Variants in CDKL3 observed in about 807,000 individuals in gnomAD.
CDKL3 encodes cyclin-dependent kinase-like 3.
CDKL3 carries 65 observed loss-of-function variants against 69.3 expected under a neutral mutation model. The ratio of observed to expected loss-of-function variants is 0.94; its 90% CI spans 0.77 to 1.15. CDKL3 has a LOEUF of 1.15. CDKL3 is among the 50% of genes most tolerant of loss of function. The pLI is 0.00. For missense variants in CDKL3, 652 were observed against 689.2 expected, an observed-to-expected ratio of 0.95 and a Z score of 0.61; for synonymous variants, 202 against 221.6, an observed-to-expected ratio of 0.91 and a Z score of 0.79.
In CDKL3 at chr5:134,350,429, T is replaced by TA. The variant is rs1752971617; in HGVS notation, c.361-3dup. On this transcript the variant is annotated splice_polypyrimidine_tract_variant and splice_region_variant and intron_variant, in intron 3 of 12. Coordinates refer to ENST00000265334, the MANE Select transcript of CDKL3 (RefSeq NM_001113575.2). Reference sequence around the variant, plus strand: ...AGGTTTTATATCTCGATGAATGATCTAAAAAACAAACAGAATACAAAATAC... The same window carrying TA: ...AGGTTTTATATCTCGATGAATGATCTAAAAAAACAAACAGAATACAAAATAC... 6.6e-7 allele frequency: 1 copy of TA among 1,520,960 alleles called. No homozygotes were observed. Among genetic ancestry groups the TA allele is most frequent in the Non-Finnish European group, 8.9e-7 (1 of 1,121,476 alleles). 94.2% of individuals were successfully genotyped at this position (1,520,960 alleles called of 1,614,324 possible). A position where few individuals can be genotyped will look rare whatever the true frequency, so the allele number is the denominator to read the frequency against.
Position 134,367,159 on chromosome 5 carries a change from G to A in CDKL3, c.-204C>T, listed in dbSNP as rs1246596236. 1 of 985,804 alleles carries A rather than the reference G, an allele frequency of 1.0e-6. No homozygotes were observed. The highest frequency in any genetic ancestry group is 1.2e-6 in the Non-Finnish European group (1 of 830,242). 61.1% of individuals were successfully genotyped at this position (985,804 alleles called of 1,614,324 possible). Reference sequence around the variant, plus strand: ...TTGCCACCATGGAAACGCCGGCGGAGTTGCTGCGTTCTAGACTCGTGCGCA... The same window carrying A: ...TTGCCACCATGGAAACGCCGGCGGAATTGCTGCGTTCTAGACTCGTGCGCA... On this transcript the variant is annotated 5_prime_UTR_variant, in exon 1 of 13. Transcript: ENST00000265334.
intron 7 of CDKL3, 74 bp from the exon 8 acceptor site, chr5:134,308,801 T>A (rs954772192): frequency 2.4e-5 from 29 of 1,232,838 alleles, no homozygotes; most frequent in Non-Finnish European, 3.0e-5. Flanking sequence ...GAATAAACCA[T>A]TTCATCAATT....
chr5:134,332,273 G>T (rs1775989580), intron 4 of CDKL3, among the ~76,000 whole-genome samples: 1 of 152,042 alleles, frequency 6.6e-6, no homozygotes, highest in African/African-American at 2.4e-5. Flanking sequence ...AGTTTCTTTT[G>T]CTGTGCAGAA....
intron 8 of CDKL3, among the ~76,000 whole-genome samples, chr5:134,287,034 G>A (rs1033759685): frequency 5.3e-5 from 8 of 152,168 alleles, no homozygotes; most frequent in Admixed American, 4.6e-4. Flanking sequence ...TTCTCTCAAG[G>A]AACAGGGAAG....
chr5:134,348,897 A>G (rs377463280), intron 4 of CDKL3, among the ~76,000 whole-genome samples: 33 of 152,286 alleles, frequency 2.2e-4, no homozygotes, highest in East Asian at 1.5e-3. Context: ...TATTATTTCC[A>G]TTTTATAGAT....
At chr5:134,315,275 T>C (rs1457336994) in intron 6 of CDKL3, among the ~76,000 whole-genome samples, 3 of 151,554 alleles carry the variant, frequency 2.0e-5, no homozygotes, top group African/African-American at 7.2e-5. Flanking sequence ...AAAAGATTAA[T>C]GTGTTTTTTT....
intron 6 of CDKL3, among the ~76,000 whole-genome samples, chr5:134,317,208 T>C (rs1215289645): frequency 6.6e-6 from 1 of 152,176 alleles, no homozygotes; most frequent in Non-Finnish European, 1.5e-5. Flanking sequence ...CGATCTCAGC[T>C]CACTGCAACC....
At chr5:134,337,852 T>C (rs1445144329) in intron 4 of CDKL3, among the ~76,000 whole-genome samples, 1 of 152,218 alleles carries the variant, frequency 6.6e-6, no homozygotes, top group Non-Finnish European at 1.5e-5. Context: ...TTCCAACTGA[T>C]GTATTATCCT....
intron 9 of CDKL3, 21 bp from the exon 10 acceptor site, chr5:134,306,723 A>G (rs1767943998): frequency 4.6e-6 from 4 of 870,056 alleles, no homozygotes; most frequent in East Asian, 6.2e-5. Flanking sequence ...AAAATGAATG[A>G]GAAGTTACTA....
intron 6 of CDKL3, among the ~76,000 whole-genome samples, chr5:134,314,001 C>T (rs1268316270): frequency 2.6e-5 from 4 of 151,886 alleles, no homozygotes; most frequent in Admixed American, 2.0e-4. Flanking sequence ...CAAAATTAGC[C>T]GGGTGTGGTG....
At chr5:134,346,839 G>C (rs1235797381) in intron 4 of CDKL3, among the ~76,000 whole-genome samples, 1 of 152,094 alleles carries the variant, frequency 6.6e-6, no homozygotes, top group African/African-American at 2.4e-5. Flanking sequence ...GCAATGCATT[G>C]AAACCCATTA....
At chr5:134,334,619 G>A (rs748634489) in intron 4 of CDKL3, among the ~76,000 whole-genome samples, 30 of 152,102 alleles carry the variant, frequency 2.0e-4, no homozygotes, top group African/African-American at 3.1e-4. Flanking sequence ...ATAGTTGTGC[G>A]GTTTTGAGTG....
chr5:134,298,291 C>A (rs1014507512), downstream of CDKL3: 237 of 1,007,286 alleles, frequency 2.4e-4, no homozygotes, highest in Non-Finnish European at 2.8e-4. Context: ...TTTAAAGAGG[C>A]CTGTGTGTTA....
chr5:134,364,538 G>T (rs73289882), intron 2 of CDKL3, among the ~76,000 whole-genome samples: 2 of 151,288 alleles, frequency 1.3e-5, no homozygotes, highest in African/African-American at 4.9e-5. Context: ...TTTAGACAAG[G>T]TGTTGCTCTG....
chr5:134,357,546 C>A (rs1238476236), intron 3 of CDKL3, among the ~76,000 whole-genome samples: 1 of 152,022 alleles, frequency 6.6e-6, no homozygotes, highest in African/African-American at 2.4e-5. Flanking sequence ...CAGGAAGAAT[C>A]GCTTGAACCC....
intron 4 of CDKL3, among the ~76,000 whole-genome samples, chr5:134,323,938 G>A (rs1469603225): frequency 1.3e-5 from 2 of 152,052 alleles, no homozygotes; most frequent in Non-Finnish European, 2.9e-5. Context: ...CACAAACTGC[G>A]AGAAAATATT....
chr5:134,295,011 CTTTTTTT>C (rs869256167), downstream of CDKL3, among the ~76,000 whole-genome samples: 3 of 100,422 alleles, frequency 3.0e-5, no homozygotes, highest in Non-Finnish European at 6.1e-5. Context: ...ATTTTTTTTT[CTTTTTTT>C]TTTTTTTTTT....
chr5:134,340,605 C>T (rs576881640), intron 4 of CDKL3, among the ~76,000 whole-genome samples: 2 of 152,090 alleles, frequency 1.3e-5, no homozygotes, highest in African/African-American at 2.4e-5. Flanking sequence ...GATTAGATAA[C>T]TTAGATTAAA....
At chr5:134,306,242 C>G (rs972854247) in intron 10 of CDKL3, among the ~76,000 whole-genome samples, 8 of 152,148 alleles carry the variant, frequency 5.3e-5, no homozygotes, top group African/African-American at 1.9e-4. Context: ...CACCTGTAAT[C>G]CTAGCACTTT....
Sources: allele counts gnomAD v4.1 joint callset (sites outside exome capture counted in the v4.1 genomes callset), GRCh38; gene constraint gnomAD v4.1.1; transcripts MANE v1.5; gene names NCBI Gene and HGNC (gene_info 2026-07-23, HGNC 2026-07-21).